Variants in PRELID2 observed in about 807,000 individuals in gnomAD.
PRELID2 encodes PRELI domain containing 2.
PRELID2 carries 25 observed loss-of-function variants against 28.4 expected under a neutral mutation model. The observed-to-expected ratio is 0.88, with a 90% confidence interval of 0.64 to 1.23. The LOEUF is 1.23. Among genes scored for constraint, PRELID2 ranks in the 50% most tolerant of loss-of-function variants. PRELID2 has a pLI of 0.00. For synonymous variants in PRELID2, 76 were observed against 71.6 expected, an observed-to-expected ratio of 1.06 and a Z score of -0.31; for missense variants, 201 against 214.4, an observed-to-expected ratio of 0.94 and a Z score of 0.39.
the PRELID2 span, among the ~76,000 whole-genome samples, chr5:145,269,420 C>T: frequency 6.6e-6 from 1 of 152,020 alleles, no homozygotes; most frequent in Non-Finnish European, 1.5e-5. Context: ...ACTAAAGATA[C>T]TGGACAACTG....
intron 1 of PRELID2, among the ~76,000 whole-genome samples, chr5:145,551,014 C>T (rs1413564863): frequency 6.6e-6 from 1 of 152,004 alleles, no homozygotes; most frequent in East Asian, 1.9e-4. Context: ...CTAATATTAT[C>T]GAGAATAAAT....
At chr5:145,452,366 T>TA in the PRELID2 span, among the ~76,000 whole-genome samples, 1 of 152,192 alleles carries the variant, frequency 6.6e-6, no homozygotes, top group Non-Finnish European at 1.5e-5. Flanking sequence ...TATTGCAACT[T>TA]ACATTGCACT....
chr5:145,286,949 A>T, the PRELID2 span, among the ~76,000 whole-genome samples: 1 of 152,132 alleles, frequency 6.6e-6, no homozygotes. Context: ...ACCTCAGGTG[A>T]TCTGCCCGCC....
At chr5:145,560,051 G>A (rs907356655) in intron 1 of PRELID2, among the ~76,000 whole-genome samples, 8 of 152,110 alleles carry the variant, frequency 5.3e-5, no homozygotes, top group African/African-American at 1.9e-4. Flanking sequence ...TTAGTCTACA[G>A]TTAGGCAAAT....
At chr5:145,831,420 T>G (rs2149891679) in intron 1 of PRELID2, among the ~76,000 whole-genome samples, 1 of 152,302 alleles carries the variant, frequency 6.6e-6, no homozygotes, top group African/African-American at 2.4e-5. Context: ...AAAGATGCCT[T>G]TTCTAATTTG....
chr5:145,306,907 C>G, the PRELID2 span, among the ~76,000 whole-genome samples: 1 of 152,094 alleles, frequency 6.6e-6, no homozygotes, highest in East Asian at 1.9e-4. Flanking sequence ...TGATTCATCT[C>G]TTTATGTCTT....
At chr5:145,283,009 T>C in the PRELID2 span, among the ~76,000 whole-genome samples, 1 of 152,202 alleles carries the variant, frequency 6.6e-6, no homozygotes, top group Non-Finnish European at 1.5e-5. Flanking sequence ...AAACCACAGA[T>C]GGAAGAGAGT....
chr5:145,403,847 G>A, the PRELID2 span, among the ~76,000 whole-genome samples: 1 of 152,140 alleles, frequency 6.6e-6, no homozygotes, highest in African/African-American at 2.4e-5. Flanking sequence ...ATATAGTACT[G>A]TCTCACCCTG....
At chr5:145,547,963 T>A (rs1211648808) in intron 1 of PRELID2, among the ~76,000 whole-genome samples, 1 of 152,156 alleles carries the variant, frequency 6.6e-6, no homozygotes, top group Admixed American at 6.6e-5. Context: ...AGAGGAGGCA[T>A]CGTAATCAAG....
At chr5:145,740,290 A>T (rs1247180801) in intron 1 of PRELID2, among the ~76,000 whole-genome samples, 6 of 85,764 alleles carry the variant, frequency 7.0e-5, no homozygotes, top group African/African-American at 2.9e-4. Flanking sequence ...ATATATATAT[A>T]TATATATATA....
chr5:145,450,415 C>T, the PRELID2 span, among the ~76,000 whole-genome samples: 9 of 152,008 alleles, frequency 5.9e-5, no homozygotes, highest in Non-Finnish European at 1.0e-4. Context: ...GCTGCTAAGC[C>T]GGCAATTTTC....
At chr5:145,501,233 T>A (rs1041379679) in intron 1 of PRELID2, among the ~76,000 whole-genome samples, 4 of 152,186 alleles carry the variant, frequency 2.6e-5, no homozygotes, top group African/African-American at 7.2e-5. Flanking sequence ...CTGGTCTTAT[T>A]TCATTACTGT....
intron 1 of PRELID2, among the ~76,000 whole-genome samples, chr5:145,750,936 G>A (rs1757108267): frequency 6.6e-6 from 1 of 152,142 alleles, no homozygotes. Flanking sequence ...ATTTTAACAA[G>A]CACCCTGGAT....
chr5:145,573,487 C>T (rs528672557), intron 1 of PRELID2, among the ~76,000 whole-genome samples: 1 of 152,108 alleles, frequency 6.6e-6, no homozygotes, highest in East Asian at 1.9e-4. Flanking sequence ...TCCTAATGCT[C>T]CCCCTCCCCT....
At chr5:145,742,299 T>C (rs1001012182) in intron 1 of PRELID2, among the ~76,000 whole-genome samples, 1 of 125,650 alleles carries the variant, frequency 8.0e-6, no homozygotes, top group African/African-American at 2.8e-5. Context: ...TTTATATAAA[T>C]ATTTATATAT....
intron 1 of PRELID2, among the ~76,000 whole-genome samples, chr5:145,696,920 TGGTA>T (rs1755281053): frequency 1.3e-5 from 2 of 150,854 alleles, no homozygotes; most frequent in African/African-American, 4.9e-5. Context: ...AGACCACTTT[TGGTA>T]ATAAAGGCTG....
chr5:145,693,761 G>A (rs529957130), intron 1 of PRELID2, among the ~76,000 whole-genome samples: 1 of 152,240 alleles, frequency 6.6e-6, no homozygotes, highest in South Asian at 2.1e-4. Context: ...TTGAAAGAGT[G>A]AGACTCTATC....
At chr5:145,375,273 C>A in the PRELID2 span, among the ~76,000 whole-genome samples, 2 of 152,078 alleles carry the variant, frequency 1.3e-5, no homozygotes, top group Non-Finnish European at 2.9e-5. Context: ...ACTTCAGGAC[C>A]TCTTCATCTG....
chr5:145,742,069 AT>A (rs1437314195), intron 1 of PRELID2, among the ~76,000 whole-genome samples: 1 of 36,926 alleles, frequency 2.7e-5, no homozygotes, highest in African/African-American at 7.2e-5. Flanking sequence ...TTTATTTATA[AT>A]TATACGTAAT....
Sources: allele counts gnomAD v4.1 joint callset (sites outside exome capture counted in the v4.1 genomes callset), GRCh38; gene constraint gnomAD v4.1.1; transcripts MANE v1.5; gene names NCBI Gene and HGNC (gene_info 2026-07-23, HGNC 2026-07-21).